The following GLE1 variants were observed in gnomAD, a reference collection of about 807,000 sequenced individuals.
GLE1 encodes GLE1 RNA export mediator.
Under a neutral mutation model 97.3 loss-of-function variants are expected in GLE1, and 78 were observed. The observed-to-expected ratio is 0.80, with a 90% CI of 0.67 to 0.97. GLE1 has a LOEUF of 0.97. Ranked by LOEUF, GLE1 falls within the 50% of genes least tolerant of loss-of-function variation. GLE1 has a pLI of 0.00. For missense variants in GLE1, 753 were observed against 857.5 expected (o/e 0.88, Z 1.52); for synonymous variants, 302 against 313.4 (o/e 0.96, Z 0.39).
intron 9 of GLE1, among the ~76,000 whole-genome samples, chr9:128,531,525 C>CAAAA (rs78169276): frequency 1.1e-5 from 1 of 92,312 alleles, no homozygotes; most frequent in African/African-American, 4.1e-5. Flanking sequence ...GACTTCATCT[C>CAAAA]AAAAAAAAAA....
At chr9:128,524,761 G>A (rs777451841) in intron 6 of GLE1, among the ~76,000 whole-genome samples, 9 of 151,532 alleles carry the variant, frequency 5.9e-5, no homozygotes, top group African/African-American at 1.9e-4. Flanking sequence ...GTGTGGTGAC[G>A]CACACCTGTA....
intron 3 of GLE1, among the ~76,000 whole-genome samples, chr9:128,521,423 A>C (rs569415616): frequency 6.6e-6 from 1 of 151,984 alleles, no homozygotes; most frequent in African/African-American, 2.4e-5. Context: ...AGTCCCAGCT[A>C]CTCAGGTGGC....
intron 1 of GLE1, among the ~76,000 whole-genome samples, chr9:128,507,150 A>G (rs1846662543): frequency 6.6e-6 from 1 of 152,170 alleles, no homozygotes; most frequent in Non-Finnish European, 1.5e-5. Flanking sequence ...AGATATGCTC[A>G]TTATTACTAC....
intron 9 of GLE1, among the ~76,000 whole-genome samples, chr9:128,527,747 C>T (rs1368276398): frequency 3.3e-5 from 5 of 151,976 alleles, no homozygotes; most frequent in African/African-American, 1.2e-4. Context: ...GGGCGGATCA[C>T]GAGGTCAGGA....
At chr9:128,525,160 A>T (rs2132464879) in intron 6 of GLE1, 32 bp from the exon 7 acceptor site, 1 of 1,499,272 alleles carries the variant, frequency 6.7e-7, no homozygotes, top group Middle Eastern at 1.7e-4. Context: ...CTAGGGAATG[A>T]CCACTAAGCA....
intron 6 of GLE1, 146 bp from the exon 7 acceptor site, chr9:128,525,046 A>T: frequency 1.4e-6 from 1 of 711,092 alleles, no homozygotes; most frequent in Non-Finnish European, 2.6e-6. Context: ...TAATACCTTT[A>T]AGAGAACAGG....
chr9:128,520,346 G>GTA (rs566668914), intron 3 of GLE1, among the ~76,000 whole-genome samples: 1 of 147,608 alleles, frequency 6.8e-6, no homozygotes, highest in African/African-American at 2.5e-5. Context: ...GTGTATATGT[G>GTA]TATATATGTA....
rs777418962 is a variant in GLE1, at chr9:128,504,805, C to T, written c.-1C>T. The T allele has an allele frequency of 2.5e-6, 4 of 1,603,294 alleles. No homozygotes were observed. The highest frequency in any genetic ancestry group is 1.7e-6 in the Non-Finnish European group (2 of 1,170,244). On this transcript the variant is annotated 5_prime_UTR_variant, in exon 1 of 16. Coordinates refer to ENST00000309971, the MANE Select transcript of GLE1 (RefSeq NM_001003722.2). ...TCAGAGAAGCTGCCCCTTAGCCAAC[C>T]ATGCCGTCTGAGGGTCGCTGCTGGG...
Position 128,504,723 on chromosome 9 carries a change from G to A in GLE1, c.-83G>A, listed in dbSNP as rs976755774. ...CTGCGCGCGCGTCCCGGAAGCAGAAGCCTGTGTGGCCTTCCCGGCGGCTGA... is the reference window on the plus strand; with the variant it reads ...CTGCGCGCGCGTCCCGGAAGCAGAAACCTGTGTGGCCTTCCCGGCGGCTGA... On this transcript the variant is annotated 5_prime_UTR_variant, in exon 1 of 16. Coordinates refer to ENST00000309971, the MANE Select transcript of GLE1 (RefSeq NM_001003722.2). 8.6e-6 allele frequency: 8 copies of A among 934,640 alleles called. No individual in the cohort carries two copies. Among genetic ancestry groups the A allele is most frequent in the East Asian group, 2.4e-5 (1 of 41,936 alleles). 57.9% of individuals were successfully genotyped at this position (934,640 alleles called of 1,614,324 possible).
intron 1 of GLE1, among the ~76,000 whole-genome samples, chr9:128,507,623 C>T (rs1846678623): frequency 6.7e-6 from 1 of 150,208 alleles, no homozygotes; most frequent in Non-Finnish European, 1.5e-5. Context: ...CGTGGTGGCT[C>T]ACGCCTGTAA....
chr9:128,517,467 A>G (rs1265832932), intron 3 of GLE1, among the ~76,000 whole-genome samples: 1 of 152,210 alleles, frequency 6.6e-6, no homozygotes, highest in African/African-American at 2.4e-5. Flanking sequence ...AGTAAACAAG[A>G]GAAATAAGTA....
chr9:128,540,544 C>T (rs1181058244), intron 15 of GLE1: 4 of 593,410 alleles, frequency 6.7e-6, no homozygotes, highest in Non-Finnish European at 1.2e-5. Flanking sequence ...TCTATACTGC[C>T]TGTGAGAAAG....
chr9:128,505,395 T>C (rs1306701372), intron 1 of GLE1, among the ~76,000 whole-genome samples: 2 of 152,106 alleles, frequency 1.3e-5, no homozygotes, highest in Non-Finnish European at 2.9e-5. Flanking sequence ...AGTGGAGGGA[T>C]GTGGAGAGTT....
At position 128,523,680 on chromosome 9, in the gene GLE1, G is replaced by T. The variant is rs779826538; in HGVS notation, c.731G>T (p.Arg244Leu). The change falls in exon 6 of 16, where the codon CGC becomes CTC. Residue 244 changes from arginine to leucine, a missense_variant. By Grantham distance (102) the Arg-to-Leu change is moderately radical. Coordinates refer to ENST00000309971, the MANE Select transcript of GLE1 (RefSeq NM_001003722.2). The stretch of plus-strand genomic sequence containing the variant: ...CTTCGGAAGGAAGAAGGCCAGATCC[G>T]CCTGCGGGCCCTCTATGCTCTGCAG... ...ERLRKEEGQI[R>L]LRALYALQEE... The T allele has an allele frequency of 5.0e-5, 80 of 1,613,922 alleles. No individual in the cohort carries two copies. The highest frequency in any genetic ancestry group is 6.6e-5 in the Non-Finnish European group (78 of 1,179,962).
chr9:128,518,747 A>G (rs1334556903), intron 3 of GLE1, among the ~76,000 whole-genome samples: 3 of 151,856 alleles, frequency 2.0e-5, no homozygotes, highest in Non-Finnish European at 2.9e-5. Context: ...AGGCACCTGT[A>G]GTCCCAGCTA....
At chr9:128,536,329 C>T (rs765857355) in intron 11 of GLE1, 26 bp from the exon 12 acceptor site, 8 of 1,608,116 alleles carry the variant, frequency 5.0e-6, no homozygotes, top group African/African-American at 1.3e-5. Flanking sequence ...CCACCACACC[C>T]GGCCAAATTT....
chr9:128,516,639 T>C (rs2132434218), intron 3 of GLE1, among the ~76,000 whole-genome samples: 1 of 150,628 alleles, frequency 6.6e-6, no homozygotes, highest in South Asian at 2.1e-4. Flanking sequence ...TTTTGTTTTT[T>C]TGAGACAGAG....
At position 128,539,625 on chromosome 9, in the gene GLE1, A is replaced by C; in HGVS notation, c.1891A>C (p.Asn631His). The C allele has an allele frequency of 6.2e-7, 1 of 1,612,592 alleles. No homozygotes were observed. The highest frequency in any genetic ancestry group is 8.5e-7 in the Non-Finnish European group (1 of 1,178,640). The change falls in exon 14 of 16, where the codon AAT becomes CAT. Residue 631 changes from asparagine (N) to histidine (H), a missense_variant. Asn to His is a moderately conservative substitution (Grantham distance 68). Transcript: ENST00000309971. ...LLFDFLEVCG[N>H]ALMKQYQVQF... ...CTGTCTTTCCCTCTAGGTGTGTGGGAATGCCCTCATGAAGCAATACCAGGT... is the reference window on the plus strand; with the variant it reads ...CTGTCTTTCCCTCTAGGTGTGTGGGCATGCCCTCATGAAGCAATACCAGGT...
intron 2 of GLE1, 98 bp from the exon 3 acceptor site, chr9:128,515,431 A>AT (rs2132429656): frequency 4.1e-6 from 3 of 725,722 alleles, no homozygotes; most frequent in Non-Finnish European, 7.3e-6. Flanking sequence ...GTGGTTGTTC[A>AT]TAAGTTGGGA....
Sources: gnomAD v4.1 joint callset for allele counts (sites outside exome capture counted in the v4.1 genomes callset) on GRCh38, gnomAD v4.1.1 for gene constraint, MANE v1.5 for transcripts, NCBI Gene and HGNC (gene_info 2026-07-23, HGNC 2026-07-21) for gene names.